The following GPR107 variants were observed in gnomAD, a reference collection of about 807,000 sequenced individuals.
GPR107 encodes G protein-coupled receptor 107.
A neutral mutation model predicts 75.5 loss-of-function variants in GPR107; 31 were observed. The ratio of observed to expected loss-of-function variants is 0.41; its 90% CI spans 0.31 to 0.55. GPR107 has a LOEUF of 0.55. GPR107 is among the 20% of genes least tolerant of loss of function. GPR107 has a pLI of 0.26. For synonymous variants in GPR107, 267 were observed against 251.3 expected, an observed-to-expected ratio of 1.06 and a Z score of -0.59; for missense variants, 572 against 665.7, an observed-to-expected ratio of 0.86 and a Z score of 1.55.
At chr9:130,059,093 C>G (rs935905781) in intron 1 of GPR107, among the ~76,000 whole-genome samples, 1 of 152,220 alleles carries the variant, frequency 6.6e-6, no homozygotes, top group Non-Finnish European at 1.5e-5. Context: ...AACTGCCAAA[C>G]TATTTTCCAA....
chr9:130,091,877 G>GTA (rs1564670686), intron 8 of GPR107, among the ~76,000 whole-genome samples: 1 of 151,878 alleles, frequency 6.6e-6, no homozygotes, highest in African/African-American at 2.4e-5. Context: ...TGTGTTTTTC[G>GTA]TAGAGACAGG....
At chr9:130,064,074 A>G (rs1297719792) in intron 1 of GPR107, among the ~76,000 whole-genome samples, 1 of 151,906 alleles carries the variant, frequency 6.6e-6, no homozygotes, top group Admixed American at 6.6e-5. Context: ...TGGCCTCACA[A>G]AGTGCTGGGA....
chr9:130,126,242 C>T (rs1320443410), intron 15 of GPR107, among the ~76,000 whole-genome samples: 1 of 144,550 alleles, frequency 6.9e-6, no homozygotes, highest in African/African-American at 2.5e-5. Context: ...AAAGACAGAG[C>T]TTGCTAGAAA....
In GPR107 at chr9:130,114,817, CTTG is replaced by C. The variant is rs1463726863; in HGVS notation, c.1306+7282_1306+7284del. ...GAGAACTGCTGTGTTAGAGATGAGG[CTTG>C]TTGAGTCTCTCATGGACATGGGGAT... On this transcript the variant is annotated intron_variant, in intron 14 of 17. Coordinates refer to ENST00000347136, the MANE Select transcript of GPR107 (RefSeq NM_020960.5). 2.0e-5 allele frequency among the ~76,000 whole-genome samples: 3 copies of C among 152,314 alleles called. No homozygotes were observed. The East Asian group carries it at 5.8e-4, about 29-fold the overall frequency.
intron 12 of GPR107, 81 bp downstream of exon 12, chr9:130,101,304 G>T (rs1209781211): frequency 1.8e-5 from 14 of 773,464 alleles, no homozygotes; most frequent in Non-Finnish European, 2.6e-5. Context: ...TGGGAAGAGG[G>T]AGTCACCTCA....
At chr9:130,062,648 GCCTGCCTGCCTGCCTTCCTT>G (rs1392693597) in intron 1 of GPR107, among the ~76,000 whole-genome samples, 7,924 of 95,222 alleles carry the variant, frequency 0.083, 304 homozygotes, top group East Asian at 0.26. Context: ...CTGCCTGCCT[GCCTGCCTGCCTGCCTTCCTT>G]CCTTCCTTCC....
At chr9:130,075,493 G>A (rs1030376798) in intron 1 of GPR107, 143 bp from the exon 2 acceptor site, 40 of 528,852 alleles carry the variant, frequency 7.6e-5, no homozygotes, top group Non-Finnish European at 1.3e-4. Context: ...TGATCCACCC[G>A]CCTCAGTCTC....
At chr9:130,085,754 A>ATTTTTGTTTTTTTTTTTTTTTTTTTTT (rs1830598440) in intron 6 of GPR107, among the ~76,000 whole-genome samples, 2 of 78,674 alleles carry the variant, frequency 2.5e-5, no homozygotes, top group Non-Finnish European at 4.7e-5. Context: ...CAATATTTTG[A>ATTTTTGTTTTTTTTTTTTTTTTTTTTT]TTTTTTTTTT....
intron 1 of GPR107, among the ~76,000 whole-genome samples, chr9:130,061,034 C>T (rs905870881): frequency 1.3e-5 from 2 of 152,192 alleles, no homozygotes; most frequent in African/African-American, 4.8e-5. Flanking sequence ...AATATACATT[C>T]ATTGACTTAA....
intron 1 of GPR107, among the ~76,000 whole-genome samples, chr9:130,058,855 T>C (rs1829859525): frequency 6.6e-6 from 1 of 152,178 alleles, no homozygotes; most frequent in African/African-American, 2.4e-5. Context: ...TCCTTTTTAC[T>C]GTTGAATGGT....
Position 130,098,837 on chromosome 9 carries a change from G to A in GPR107, c.864-620G>A, listed in dbSNP as rs563417733. ...AGCCTGGCCAATGTGGTGAAACCCTGTCTCTACTAAAAATACAAAAATTAG... is the reference window on the plus strand; with the variant it reads ...AGCCTGGCCAATGTGGTGAAACCCTATCTCTACTAAAAATACAAAAATTAG... On this transcript the variant is annotated intron_variant, in intron 9 of 17. Coordinates refer to ENST00000347136, the MANE Select transcript of GPR107 (RefSeq NM_020960.5). Among the ~76,000 whole-genome samples, 15 of 152,040 alleles carry A rather than the reference G, an allele frequency of 9.9e-5. No homozygotes were observed. In the East Asian group the frequency reaches 2.9e-3, roughly 29 times the overall value.
At chr9:130,056,838 T>A (rs1443180154) in intron 1 of GPR107, among the ~76,000 whole-genome samples, 2 of 131,036 alleles carry the variant, frequency 1.5e-5, no homozygotes, top group Admixed American at 1.9e-4. Context: ...GGCAGGAGAA[T>A]GGCATGAACC....
intron 10 of GPR107, among the ~76,000 whole-genome samples, chr9:130,100,187 G>A (rs1830988802): frequency 6.6e-6 from 1 of 152,050 alleles, no homozygotes; most frequent in South Asian, 2.1e-4. Context: ...GAGCCACCAC[G>A]CCCGGCCTCC....
intron 17 of GPR107, 136 bp downstream of exon 17, chr9:130,128,897 C>T (rs562466168): frequency 1.3e-5 from 10 of 759,714 alleles, no homozygotes; most frequent in East Asian, 5.1e-5. Flanking sequence ...CAGAAGGAAG[C>T]GGACACTGGA....
chr9:130,090,985 T>A lies in GPR107; in HGVS notation c.729+2T>A. 8.3e-7 allele frequency: 1 copy of A among 1,201,512 alleles called. No individual in the cohort carries two copies. The highest frequency in any genetic ancestry group is 1.2e-6 in the Non-Finnish European group (1 of 808,110). 74.4% of individuals were successfully genotyped at this position (1,201,512 alleles called of 1,614,324 possible). On this transcript the variant is annotated splice_donor_variant, in intron 8 of 17. Transcript: ENST00000347136. LOFTEE classifies it high-confidence loss of function. ...GACAAGTTTACATTCAGCCTTGATG[T>A]GAGTACTGTTTGGAGATTGTTCTAC...
At chr9:130,081,671 C>CA (rs1279109782) in intron 5 of GPR107, among the ~76,000 whole-genome samples, 1,816 of 93,368 alleles carry the variant, frequency 0.019, 36 homozygotes, top group African/African-American at 0.062. Context: ...GACTCTGTCT[C>CA]AAAAAAAAAA....
At chr9:130,065,535 A>G (rs1208138678) in intron 1 of GPR107, among the ~76,000 whole-genome samples, 1 of 151,664 alleles carries the variant, frequency 6.6e-6, no homozygotes, top group African/African-American at 2.4e-5. Context: ...GGAGGCCGCA[A>G]CGGGCACCTC....
intron 6 of GPR107, among the ~76,000 whole-genome samples, chr9:130,085,753 G>GTTTTTTTTTTTTTTTTTTTTTT (rs1189602398): frequency 3.1e-5 from 1 of 32,260 alleles, no homozygotes; most frequent in African/African-American, 1.3e-4. Context: ...GCAATATTTT[G>GTTTTTTTTTTTTTTTTTTTTTT]ATTTTTTTTT....
At chr9:130,114,242 AC>A (rs36079323) in intron 14 of GPR107, among the ~76,000 whole-genome samples, 47,652 of 151,280 alleles carry the variant, frequency 0.31, 7,674 homozygotes, top group Non-Finnish European at 0.37. Flanking sequence ...GGTAGCGCAC[AC>A]CTGTAATCCC....
Sources: gnomAD v4.1 joint callset for allele counts (sites outside exome capture counted in the v4.1 genomes callset) on GRCh38, gnomAD v4.1.1 for gene constraint, MANE v1.5 for transcripts, NCBI Gene and HGNC (gene_info 2026-07-23, HGNC 2026-07-21) for gene names.